The following TGFBR2 variants were observed in gnomAD, a reference collection of about 807,000 sequenced individuals.
The protein encoded by TGFBR2 is transforming growth factor beta receptor 2.
In TGFBR2, 18 loss-of-function variants were observed where a neutral mutation model predicts 49.0. That is an observed-to-expected ratio of 0.37 (90% CI 0.25 to 0.54). The LOEUF (loss-of-function observed/expected upper bound fraction) is 0.54. Among genes scored for constraint, TGFBR2 ranks in the 20% least tolerant of loss-of-function variants. TGFBR2 has a pLI of 0.85. For synonymous variants in TGFBR2, 282 were observed against 275.9 expected, an observed-to-expected ratio of 1.02 and a Z score of -0.22; for missense variants, 525 against 722.6, an observed-to-expected ratio of 0.73 and a Z score of 3.13.
At position 30,648,460 on chromosome 3, in the gene TGFBR2, A is replaced by ACACACC. The variant is rs1553627538; in HGVS notation, c.264-1808_264-1807insCACCCA. Among the ~76,000 whole-genome samples, 1,047 of 142,466 alleles carry ACACACC rather than the reference A, an allele frequency of 7.3e-3. 22 individuals are homozygous for ACACACC. The highest frequency in any genetic ancestry group is 0.029 in the Middle Eastern group (8 of 272). 93.5% of individuals were successfully genotyped at this position (142,466 alleles called of 152,430 possible). ...CACACACACACACACACACACACACACAAAACTGTGGGGGCAGGGAGGAAG... is the reference window on the plus strand; with the variant it reads ...CACACACACACACACACACACACACACACACCCAAAACTGTGGGGGCAGGGAGGAAG... On this transcript the variant is annotated intron_variant, in intron 2 of 6. Transcript: ENST00000295754.
chr3:30,635,872 A>C (rs143327778), intron 1 of TGFBR2, among the ~76,000 whole-genome samples: 51 of 152,318 alleles, frequency 3.3e-4, no homozygotes, highest in Admixed American at 6.5e-4. Context: ...AAATGAGGAA[A>C]TCACACACAT....
chr3:30,679,797 A>G (rs887964749), intron 5 of TGFBR2, among the ~76,000 whole-genome samples: 2 of 152,182 alleles, frequency 1.3e-5, no homozygotes, highest in Admixed American at 1.3e-4. Flanking sequence ...TTCCTGGTAT[A>G]CTGCTAGCCT....
chr3:30,687,213 C>T (rs1280804504), intron 5 of TGFBR2, among the ~76,000 whole-genome samples: 2 of 152,166 alleles, frequency 1.3e-5, no homozygotes, highest in African/African-American at 4.8e-5. Flanking sequence ...AGGGTTACCT[C>T]CTCCTTTATC....
At position 30,691,640 on chromosome 3, in the gene TGFBR2, C is replaced by T. The variant is rs1382990356; in HGVS notation, c.*41C>T. On this transcript the variant is annotated 3_prime_UTR_variant, in exon 7 of 7. Coordinates refer to ENST00000295754, the MANE Select transcript of TGFBR2 (RefSeq NM_003242.6). ...CTGGGCCATGTCCAAAGAGGCTGCCCCTCTCACCAAAGAACAGAGGCAGCA... is the reference window on the plus strand; with the variant it reads ...CTGGGCCATGTCCAAAGAGGCTGCCTCTCTCACCAAAGAACAGAGGCAGCA... 3.1e-6 allele frequency: 5 copies of T among 1,612,096 alleles called. No individual in the cohort carries two copies. The Admixed American group carries it at 6.7e-5, about 21-fold the overall frequency.
intron 3 of TGFBR2, among the ~76,000 whole-genome samples, chr3:30,666,760 C>T (rs930777362): frequency 1.3e-5 from 2 of 151,424 alleles, no homozygotes; most frequent in Non-Finnish European, 2.9e-5. Context: ...CCTGCCTCAG[C>T]CACCGTAATA....
chr3:30,632,346 C>T (rs1158322509), intron 1 of TGFBR2, among the ~76,000 whole-genome samples: 1 of 152,152 alleles, frequency 6.6e-6, no homozygotes, highest in African/African-American at 2.4e-5. Context: ...GAAAATTGAA[C>T]TGGATTCTCA....
intron 1 of TGFBR2, among the ~76,000 whole-genome samples, chr3:30,627,609 A>C (rs1698357113): frequency 6.6e-6 from 1 of 151,892 alleles, no homozygotes; most frequent in East Asian, 2.0e-4. Flanking sequence ...TCCACTGTTC[A>C]ATAGAACTTT....
intron 3 of TGFBR2, among the ~76,000 whole-genome samples, chr3:30,670,852 C>T (rs3773644): frequency 0.39 from 58,607 of 152,094 alleles, 11,617 homozygotes; most frequent in South Asian, 0.47. Context: ...AACTACAATT[C>T]GTATGCACAC....
At chr3:30,617,353 A>G (rs908404942) in intron 1 of TGFBR2, among the ~76,000 whole-genome samples, 1 of 152,170 alleles carries the variant, frequency 6.6e-6, no homozygotes, top group African/African-American at 2.4e-5. Flanking sequence ...TTTGCGTCTC[A>G]TTCTCTAACG....
In TGFBR2 at chr3:30,693,666, T is replaced by G. The variant is rs989159795; in HGVS notation, c.*2067T>G. The G allele has an allele frequency of 2.1e-5, 5 of 233,466 alleles. No individual in the cohort carries two copies. Among genetic ancestry groups the G allele is most frequent in the African/African-American group, 1.1e-4 (5 of 45,330 alleles). The allele number at this position is 233,466 out of a possible 1,614,324, so 14.5% of individuals were successfully genotyped here. On this transcript the variant is annotated 3_prime_UTR_variant, in exon 7 of 7. Transcript: ENST00000295754. ...GCGCCTAGAAATTCCACTTGCACCG[T>G]AGGGCATGCTGATACCATCCCAATA...
chr3:30,644,708 A>G (rs180876348), intron 1 of TGFBR2, 39 bp from the exon 2 acceptor site: 2 of 1,597,186 alleles, frequency 1.3e-6, no homozygotes, highest in Admixed American at 1.7e-5. Context: ...GCTGCCTGGC[A>G]GTTGGATAAT....
At chr3:30,636,752 G>T (rs753335803) in intron 1 of TGFBR2, among the ~76,000 whole-genome samples, 10 of 151,844 alleles carry the variant, frequency 6.6e-5, no homozygotes, top group East Asian at 1.9e-4. Context: ...GTGTGTGTGT[G>T]TGTGTGTATT....
At chr3:30,623,189 T>C (rs1443942197) in intron 1 of TGFBR2, 1 of 1,398,208 alleles carries the variant, frequency 7.2e-7, no homozygotes, top group East Asian at 2.3e-5. Flanking sequence ...ATAATTATCC[T>C]GTTTTACAGA....
At chr3:30,612,322 A>T (rs963472423) in intron 1 of TGFBR2, among the ~76,000 whole-genome samples, 9 of 152,098 alleles carry the variant, frequency 5.9e-5, no homozygotes, top group Non-Finnish European at 1.0e-4. Context: ...GGGTGCATGT[A>T]TGAGTGTGTG....
At position 30,644,884 on chromosome 3, in the gene TGFBR2, G is replaced by C; in HGVS notation, c.232G>C (p.Glu78Gln). The part of the protein sequence containing the change: ...MSNCSITSIC[E>Q]KPQEVCVAVW... ...CAACTGCAGCATCACCTCCATCTGT[G>C]AGAAGCCACAGGAAGTCTGTGTGGC... The change falls in exon 2 of 7, where the codon GAG becomes CAG. Residue 78 changes from glutamate to glutamine, a missense_variant. Transcript: ENST00000295754. 6.2e-7 allele frequency: 1 copy of C among 1,614,142 alleles called. No individual in the cohort carries two copies. Among genetic ancestry groups the C allele is most frequent in the East Asian group, 2.2e-5 (1 of 44,880 alleles).
chr3:30,657,795 A>G (rs115576354), intron 3 of TGFBR2, among the ~76,000 whole-genome samples: 133 of 152,304 alleles, frequency 8.7e-4, no homozygotes, highest in African/African-American at 2.9e-3. Flanking sequence ...GGTGCTCCCC[A>G]TTATAAGGAG....
intron 3 of TGFBR2, among the ~76,000 whole-genome samples, chr3:30,669,281 A>G (rs908826881): frequency 6.6e-6 from 1 of 152,078 alleles, no homozygotes; most frequent in African/African-American, 2.4e-5. Flanking sequence ...AAAAAAAAAG[A>G]AAGTATCAGA....
intron 1 of TGFBR2, among the ~76,000 whole-genome samples, chr3:30,618,028 T>G (rs1291741721): frequency 6.6e-6 from 1 of 152,214 alleles, no homozygotes; most frequent in Non-Finnish European, 1.5e-5. Context: ...CTTAGTTTTA[T>G]GAGAGTCTTT....
chr3:30,688,591 G>C (rs1012699435), intron 6 of TGFBR2, 80 bp downstream of exon 6: 20 of 1,584,802 alleles, frequency 1.3e-5, no homozygotes, highest in Admixed American at 7.0e-5. Context: ...GGAATATTGA[G>C]CTTAAATCTG....
Sources: gnomAD v4.1 joint callset for allele counts (sites outside exome capture counted in the v4.1 genomes callset) on GRCh38, gnomAD v4.1.1 for gene constraint, MANE v1.5 for transcripts, NCBI Gene and HGNC (gene_info 2026-07-23, HGNC 2026-07-21) for gene names.